PLS1: variants seen among roughly 807,000 people sequenced by gnomAD.
PLS1 encodes plastin 1.
PLS1 carries 32 observed loss-of-function variants against 73.7 expected under a neutral mutation model. The ratio of observed to expected loss-of-function variants is 0.43; its 90% CI spans 0.33 to 0.58. PLS1 has a LOEUF of 0.58. PLS1 is among the 20% of genes least tolerant of loss of function. The pLI, the probability that PLS1 is intolerant of heterozygous loss-of-function variation, is 0.04. For synonymous variants in PLS1, 217 were observed against 261.3 expected, an observed-to-expected ratio of 0.83 and a Z score of 1.63; for missense variants, 633 against 740.5, an observed-to-expected ratio of 0.85 and a Z score of 1.68.
At chr3:142,619,474 A>G (rs959087434) in intron 1 of PLS1, 2 of 152,162 alleles carry the variant, frequency 1.3e-5, no homozygotes, top group African/African-American at 2.4e-5. Flanking sequence ...CAAGATGCTA[A>G]AAGTATGGCT....
chr3:142,633,812 C>A (rs2036619069), intron 1 of PLS1, among the ~76,000 whole-genome samples: 1 of 152,070 alleles, frequency 6.6e-6, no homozygotes, highest in African/African-American at 2.4e-5. Flanking sequence ...TAAAAAATTA[C>A]CAGGCATGCA....
chr3:142,646,035 G>C (rs2036946199), intron 1 of PLS1, among the ~76,000 whole-genome samples: 1 of 152,134 alleles, frequency 6.6e-6, no homozygotes, highest in Non-Finnish European at 1.5e-5. Flanking sequence ...TAAGGATCTG[G>C]ACTTAGCAGA....
chr3:142,674,101 C>CT (rs1260745245), intron 4 of PLS1, among the ~76,000 whole-genome samples: 1 of 152,128 alleles, frequency 6.6e-6, no homozygotes, highest in African/African-American at 2.4e-5. Context: ...GTGATTGCTT[C>CT]TTTTTTTAAA....
At chr3:142,692,150 C>G (rs1276863772) in intron 10 of PLS1, among the ~76,000 whole-genome samples, 1 of 152,122 alleles carries the variant, frequency 6.6e-6, no homozygotes. Context: ...GAGGAAAGCA[C>G]TTCATATGTC....
chr3:142,641,896 CA>C (rs2036850535), intron 1 of PLS1, among the ~76,000 whole-genome samples: 1 of 152,068 alleles, frequency 6.6e-6, no homozygotes, highest in Non-Finnish European at 1.5e-5. Context: ...TACCACTTTA[CA>C]GACAGGACTG....
chr3:142,680,634 G>T (rs2037832072), intron 6 of PLS1, among the ~76,000 whole-genome samples: 1 of 152,112 alleles, frequency 6.6e-6, no homozygotes, highest in African/African-American at 2.4e-5. Flanking sequence ...TACAGATCTT[G>T]TATAAGTCCA....
At chr3:142,671,752 T>C (rs2037607884) in intron 4 of PLS1, among the ~76,000 whole-genome samples, 2 of 152,228 alleles carry the variant, frequency 1.3e-5, no homozygotes, top group African/African-American at 4.8e-5. Flanking sequence ...GTTCTTTTTA[T>C]TTATATGAAC....
chr3:142,667,988 A>C (rs2037514688), intron 2 of PLS1, among the ~76,000 whole-genome samples: 1 of 152,224 alleles, frequency 6.6e-6, no homozygotes, highest in Non-Finnish European at 1.5e-5. Context: ...AACAGTATTA[A>C]TTCTAAAACT....
At chr3:142,659,931 T>C (rs986332871) in intron 1 of PLS1, among the ~76,000 whole-genome samples, 2 of 152,324 alleles carry the variant, frequency 1.3e-5, no homozygotes, top group East Asian at 3.9e-4. Flanking sequence ...GCCTCTTTTT[T>C]CCTTGCCTAA....
rs543280525 is a variant in PLS1 at position 142,655,345 on chromosome 3, C to T, written c.-36-8857C>T. 2.6e-5 allele frequency among the ~76,000 whole-genome samples: 4 copies of T among 152,242 alleles called. No individual in the cohort carries two copies. The South Asian group carries it at 8.3e-4, about 32-fold the overall frequency. ...ATGAAATGGTAAATACTTGGGAAGA[C>T]TGAAGCAGAAAAAAGTCCCAATGTT... is the stretch of plus-strand genomic sequence containing the variant. On this transcript the variant is annotated intron_variant, in intron 1 of 15. Transcript: ENST00000457734.
intron 1 of PLS1, among the ~76,000 whole-genome samples, chr3:142,657,346 G>A (rs2037262186): frequency 6.6e-6 from 1 of 152,114 alleles, no homozygotes; most frequent in African/African-American, 2.4e-5. Context: ...CCGATTGCCA[G>A]GACATCCAAC....
At chr3:142,624,428 C>T (rs912239566) in intron 1 of PLS1, among the ~76,000 whole-genome samples, 1 of 152,170 alleles carries the variant, frequency 6.6e-6, no homozygotes, top group African/African-American at 2.4e-5. Flanking sequence ...GAAGCTGTAG[C>T]AGCCTTACCT....
intron 4 of PLS1, 151 bp from the exon 5 acceptor site, chr3:142,676,006 T>G: frequency 1.5e-6 from 1 of 653,634 alleles, no homozygotes; most frequent in Non-Finnish European, 2.5e-6. Context: ...TTGAACCCTT[T>G]TGTGTTTTAG....
At chr3:142,651,462 CA>C (rs57909380) in intron 1 of PLS1, among the ~76,000 whole-genome samples, 2,445 of 102,178 alleles carry the variant, frequency 0.024, 43 homozygotes, top group African/African-American at 0.079. Context: ...AACTCTGTCT[CA>C]AAAAAAAAAA....
intron 8 of PLS1, among the ~76,000 whole-genome samples, chr3:142,684,907 CT>C: frequency 6.6e-6 from 1 of 152,312 alleles, no homozygotes; most frequent in South Asian, 2.1e-4. Flanking sequence ...GTCAAGGAAA[CT>C]ATAACAGGCA....
rs2038153547 is a variant in PLS1 at position 142,694,517 on chromosome 3, G to A, written c.1226G>A (p.Gly409Glu). ...TTTCGGAACTGGATGAATTCCTTGG[G>A]AGTCAACCCATACATTAATCATTTG... ...RTFRNWMNSL[G>E]VNPYINHLYS... is the part of the protein sequence containing the mutation. The change falls in exon 11 of 16, where the codon GGA (glycine) becomes GAA (glutamate). Residue 409 changes from glycine to glutamate, a missense_variant. By Grantham distance (98) the Gly-to-Glu change is moderately conservative. Coordinates refer to ENST00000457734, the MANE Select transcript of PLS1 (RefSeq NM_001145319.2). 6.2e-7 allele frequency: 1 copy of A among 1,602,986 alleles called. No homozygotes were observed. The highest frequency in any genetic ancestry group is 8.5e-7 in the Non-Finnish European group (1 of 1,170,298).
At chr3:142,700,641 TC>T (rs1294613461) in intron 12 of PLS1, among the ~76,000 whole-genome samples, 1 of 152,214 alleles carries the variant, frequency 6.6e-6, no homozygotes, top group Admixed American at 6.5e-5. Context: ...TTTAAGTATT[TC>T]TTTTCACTTG....
At chr3:142,702,052 T>G (rs558408140) in intron 12 of PLS1, among the ~76,000 whole-genome samples, 1 of 152,228 alleles carries the variant, frequency 6.6e-6, no homozygotes, top group Non-Finnish European at 1.5e-5. Context: ...AAAAATTCTT[T>G]TAAAAACTTT....
At chr3:142,669,808 ATAAC>A (rs1332941349) in intron 3 of PLS1, among the ~76,000 whole-genome samples, 1 of 152,242 alleles carries the variant, frequency 6.6e-6, no homozygotes, top group Non-Finnish European at 1.5e-5. Context: ...ATTCCCTAGA[ATAAC>A]TAGGTGAGTT....
Sources: allele counts gnomAD v4.1 joint callset (sites outside exome capture counted in the v4.1 genomes callset), GRCh38; gene constraint gnomAD v4.1.1; transcripts MANE v1.5; gene names NCBI Gene and HGNC (gene_info 2026-07-23, HGNC 2026-07-21).